The following CCDC171 variants were observed in gnomAD, a reference collection of about 807,000 sequenced individuals.
CCDC171 encodes the protein coiled-coil domain-containing protein 171.
In CCDC171, 177 loss-of-function variants were observed where a neutral mutation model predicts 168.2. That is an observed-to-expected ratio of 1.05 (90% CI 0.93 to 1.19). The LOEUF is 1.19. Among genes scored for constraint, CCDC171 ranks in the 50% most tolerant of loss-of-function variants. The probability of loss-of-function intolerance (pLI) is 0.00; values close to 1 mark genes in which losing one functional copy is unlikely to be tolerated. For synonymous variants in CCDC171, 687 were observed against 540.8 expected, an observed-to-expected ratio of 1.27 and a Z score of -3.75; for missense variants, 1,991 against 1,539.0, an observed-to-expected ratio of 1.29 and a Z score of -4.91.
At chr9:15,799,897 A>C (rs1047212164) in intron 21 of CCDC171, among the ~76,000 whole-genome samples, 1 of 152,102 alleles carries the variant, frequency 6.6e-6, no homozygotes, top group Non-Finnish European at 1.5e-5. Flanking sequence ...TACCTGGCTT[A>C]TTTCACTTAA....
At chr9:15,875,910 T>C (rs1228466976) in intron 24 of CCDC171, 1 of 152,118 alleles carries the variant, frequency 6.6e-6, no homozygotes, top group Non-Finnish European at 1.5e-5. Context: ...AGATTTAAAA[T>C]GTGTATTTTA....
chr9:15,623,901 A>T (rs1308435731), intron 7 of CCDC171, among the ~76,000 whole-genome samples: 1 of 152,230 alleles, frequency 6.6e-6, no homozygotes, highest in Non-Finnish European at 1.5e-5. Context: ...CAGGATTTTT[A>T]TTCGTGAATG....
chr9:15,568,683 C>A (rs767107795), intron 2 of CCDC171, among the ~76,000 whole-genome samples: 12 of 152,116 alleles, frequency 7.9e-5, no homozygotes, highest in African/African-American at 2.9e-4. Context: ...GTTTCATATG[C>A]TTGTTGGCTG....
rs1161058746 is a variant in CCDC171, at chr9:15,723,743, A to G, written c.1488A>G (p.Ile496Met). The G allele has an allele frequency of 1.4e-6, 2 of 1,443,430 alleles. No individual in the cohort carries two copies. The highest frequency in any genetic ancestry group is 9.6e-7 in the Non-Finnish European group (1 of 1,036,362). 89.4% of individuals were successfully genotyped at this position (1,443,430 alleles called of 1,614,324 possible). A position where few individuals can be genotyped will look rare whatever the true frequency, so the allele number is the denominator to read the frequency against. Residue 496 changes from isoleucine to methionine, a missense_variant, in exon 13 of 26, where the codon ATA (isoleucine) becomes ATG (methionine). By Grantham distance (10) the Ile-to-Met change is conservative. Transcript: ENST00000380701. ...AGATAGACTCTCACACTAAAAATAT[A>G]AAGGTATTATTTAGAATAACTTTTA... ...KQKIDSHTKN[I>M]KELQDKLADV...
intron 18 of CCDC171, among the ~76,000 whole-genome samples, chr9:15,748,423 C>T (rs1177996481): frequency 6.6e-6 from 1 of 152,132 alleles, no homozygotes; most frequent in Non-Finnish European, 1.5e-5. Flanking sequence ...AGGAGAACTT[C>T]CCAAACATAG....
rs547517334 is a variant in CCDC171, at chr9:15,667,444, G to A, written c.1076+1121G>A. ...GTAGATCACCTGAGTTCAGGAGTTCGAGACCAGCCTGGCTAACATGGTGAA... is the reference window on the plus strand; with the variant it reads ...GTAGATCACCTGAGTTCAGGAGTTCAAGACCAGCCTGGCTAACATGGTGAA... On this transcript the variant is annotated intron_variant, in intron 9 of 25. Transcript: ENST00000380701. 7.2e-5 allele frequency among the ~76,000 whole-genome samples: 11 copies of A among 152,116 alleles called. No homozygotes were observed. In the South Asian group the frequency reaches 2.1e-3, roughly 29 times the overall value.
intron 6 of CCDC171, among the ~76,000 whole-genome samples, chr9:15,600,120 A>C (rs193191253): frequency 3.9e-5 from 6 of 152,258 alleles, no homozygotes; most frequent in Admixed American, 3.3e-4. Flanking sequence ...TGATTGTCTG[A>C]AGCCTTCTTC....
the CCDC171 span, among the ~76,000 whole-genome samples, chr9:16,106,045 C>T: frequency 3.9e-5 from 6 of 152,192 alleles, no homozygotes; most frequent in Non-Finnish European, 8.8e-5. Context: ...TAAACTCTGG[C>T]CTCTCTGGAC....
intron 6 of CCDC171, among the ~76,000 whole-genome samples, chr9:15,601,940 A>G (rs1374551541): frequency 6.6e-6 from 1 of 152,252 alleles, no homozygotes; most frequent in Non-Finnish European, 1.5e-5. Flanking sequence ...GTAAATCCTA[A>G]ATGAAACATT....
At chr9:15,893,118 C>G (rs1289497207) in intron 24 of CCDC171, among the ~76,000 whole-genome samples, 1 of 151,998 alleles carries the variant, frequency 6.6e-6, no homozygotes, top group African/African-American at 2.4e-5. Context: ...ATAGATAATC[C>G]AGAAATAAGA....
chr9:15,583,525 C>T (rs1402257929), intron 4 of CCDC171, among the ~76,000 whole-genome samples: 1 of 151,848 alleles, frequency 6.6e-6, no homozygotes, highest in Admixed American at 6.6e-5. Context: ...GGCCATTATT[C>T]TAAGTGAAGT....
chr9:15,746,238 A>T (rs992872397), intron 18 of CCDC171, among the ~76,000 whole-genome samples: 1 of 152,232 alleles, frequency 6.6e-6, no homozygotes, highest in African/African-American at 2.4e-5. Flanking sequence ...CATTTCAGAC[A>T]CATTAATTGT....
At chr9:15,719,911 T>C (rs567200008) in intron 11 of CCDC171, among the ~76,000 whole-genome samples, 4 of 152,088 alleles carry the variant, frequency 2.6e-5, no homozygotes, top group African/African-American at 9.7e-5. Context: ...AGTTTAAAAA[T>C]ATATATTTGA....
chr9:15,802,724 G>A (rs2058886187), intron 21 of CCDC171, among the ~76,000 whole-genome samples: 1 of 152,128 alleles, frequency 6.6e-6, no homozygotes, highest in African/African-American at 2.4e-5. Context: ...ACATATGCAT[G>A]CATGTGCCTT....
chr9:15,816,534 C>CTA (rs1375049243), intron 21 of CCDC171, among the ~76,000 whole-genome samples: 1 of 117,416 alleles, frequency 8.5e-6, no homozygotes, highest in African/African-American at 3.3e-5. Context: ...GAAGTATAGA[C>CTA]TATACGTATG....
At chr9:15,754,453 T>TA (rs955748257) in intron 18 of CCDC171, among the ~76,000 whole-genome samples, 36 of 152,180 alleles carry the variant, frequency 2.4e-4, no homozygotes, top group African/African-American at 7.7e-4. Flanking sequence ...TGGTGGGTGG[T>TA]AAAAAAATAG....
chr9:15,894,676 C>T (rs1450035046), intron 24 of CCDC171, among the ~76,000 whole-genome samples: 1 of 152,026 alleles, frequency 6.6e-6, no homozygotes, highest in Admixed American at 6.6e-5. Flanking sequence ...ATTTTAGAGG[C>T]TTTGTGCTTG....
chr9:15,919,612 A>G (rs1338601549), intron 24 of CCDC171, among the ~76,000 whole-genome samples: 2 of 151,682 alleles, frequency 1.3e-5, no homozygotes, highest in African/African-American at 4.8e-5. Context: ...GAAAAATTCT[A>G]TAAAATATGA....
chr9:15,670,837 G>A (rs953908758), intron 9 of CCDC171, among the ~76,000 whole-genome samples: 3 of 152,106 alleles, frequency 2.0e-5, no homozygotes, highest in Non-Finnish European at 2.9e-5. Flanking sequence ...CATAAGAGCT[G>A]CTAAATAAAG....
Sources: gnomAD v4.1 joint callset for allele counts (sites outside exome capture counted in the v4.1 genomes callset) on GRCh38, gnomAD v4.1.1 for gene constraint, MANE v1.5 for transcripts, NCBI Gene and HGNC (gene_info 2026-07-23, HGNC 2026-07-21) for gene names.